SRGAP3: variants seen among roughly 807,000 people sequenced by gnomAD.
SRGAP3 encodes the protein SLIT-ROBO Rho GTPase-activating protein 3.
Under a neutral mutation model 121.1 loss-of-function variants are expected in SRGAP3, and 39 were observed. The observed-to-expected ratio is 0.32, with a 90% CI of 0.25 to 0.42. SRGAP3 has a LOEUF of 0.42. Among genes scored for constraint, SRGAP3 ranks in the 10% least tolerant of loss-of-function variants. The pLI, the probability that SRGAP3 is intolerant of heterozygous loss-of-function variation, is 1.00. For synonymous variants in SRGAP3, 601 were observed against 570.0 expected, an observed-to-expected ratio of 1.05 and a Z score of -0.77; for missense variants, 1,213 against 1,470.6, an observed-to-expected ratio of 0.82 and a Z score of 2.86.
At chr3:9,295,322 C>G (rs1954934194) in intron 3 of SRGAP3, among the ~76,000 whole-genome samples, 1 of 152,164 alleles carries the variant, frequency 6.6e-6, no homozygotes, top group Non-Finnish European at 1.5e-5. Flanking sequence ...GACCTCAGAA[C>G]CAAAACTGTT....
In SRGAP3 at chr3:9,158,551, C is replaced by A. The variant is rs897492656; in HGVS notation, c.68-33634G>T. Among the ~76,000 whole-genome samples, 9 of 152,172 alleles carry A rather than the reference C, an allele frequency of 5.9e-5. 1 individual carries two copies. ...AATACCCCCGGTATTCATTCATTAT[C>A]CCCATGTTCCAGGTGGGAAATTATC... is the stretch of plus-strand genomic sequence containing the variant. On this transcript the variant is annotated intron_variant, in intron 1 of 21. Transcript: ENST00000383836.
At chr3:9,197,734 A>G (rs1349688074) in intron 1 of SRGAP3, among the ~76,000 whole-genome samples, 1 of 152,252 alleles carries the variant, frequency 6.6e-6, no homozygotes, top group Non-Finnish European at 1.5e-5. Context: ...TCCAAAGCAT[A>G]TGCTTCAGAA....
At chr3:9,171,291 G>A (rs762413296) in intron 1 of SRGAP3, among the ~76,000 whole-genome samples, 2 of 152,236 alleles carry the variant, frequency 1.3e-5, no homozygotes, top group Non-Finnish European at 2.9e-5. Context: ...TTCAGAGGCA[G>A]CCTCCAGCGC....
At chr3:9,233,208 C>T (rs1953281065) in intron 1 of SRGAP3, among the ~76,000 whole-genome samples, 1 of 152,212 alleles carries the variant, frequency 6.6e-6, no homozygotes, top group African/African-American at 2.4e-5. Flanking sequence ...CCCTCTTTCA[C>T]ATGAGGAAAC....
At chr3:9,294,741 T>TGTGTGTGTGTGTGTGTGTGTGTG (rs1491131145) in intron 3 of SRGAP3, among the ~76,000 whole-genome samples, 3 of 145,966 alleles carry the variant, frequency 2.1e-5, no homozygotes, top group African/African-American at 5.1e-5. Flanking sequence ...TGTGTGTGTG[T>TGTGTGTGTGTGTGTGTGTGTGTG]TTGGGAGGGC....
rs1943616264 is a variant in SRGAP3 at position 9,015,936 on chromosome 3, T to C, written c.1679-205A>G. On this transcript the variant is annotated intron_variant, in intron 14 of 21. Transcript: ENST00000383836. ...GAAAATGTTTAAATCTATAGAAAAG[T>C]TGTAAAAATAAAATAATGAACGCCC... 3 of 608,566 alleles carry C rather than the reference T, an allele frequency of 4.9e-6. No individual in the cohort carries two copies. The South Asian group carries it at 6.0e-5, about 12-fold the overall frequency. 37.7% of individuals were successfully genotyped at this position (608,566 alleles called of 1,614,324 possible).
chr3:9,201,716 T>G (rs1247490748), intron 1 of SRGAP3, among the ~76,000 whole-genome samples: 1 of 152,218 alleles, frequency 6.6e-6, no homozygotes, highest in Non-Finnish European at 1.5e-5. Context: ...GGAGAGCTTA[T>G]TCTGTATCAA....
At chr3:9,002,529 C>T (rs1942829981) in intron 18 of SRGAP3, among the ~76,000 whole-genome samples, 1 of 151,658 alleles carries the variant, frequency 6.6e-6, no homozygotes, top group Admixed American at 6.6e-5. Context: ...CACCTTAAGA[C>T]ACTGGAAAAA....
intron 3 of SRGAP3, among the ~76,000 whole-genome samples, chr3:9,088,655 T>C (rs938020642): frequency 1.3e-5 from 2 of 152,128 alleles, no homozygotes; most frequent in Admixed American, 1.3e-4. Context: ...AATTGAGAAA[T>C]AGTACCTTGG....
intron 1 of SRGAP3, among the ~76,000 whole-genome samples, chr3:9,162,161 G>C (rs578088681): frequency 3.9e-5 from 6 of 152,288 alleles, no homozygotes; most frequent in Non-Finnish European, 7.4e-5. Context: ...GGGACTGAGA[G>C]AAATGGGGAG....
chr3:9,046,606 C>T (rs1945292098), intron 10 of SRGAP3, among the ~76,000 whole-genome samples: 1 of 152,198 alleles, frequency 6.6e-6, no homozygotes, highest in South Asian at 2.1e-4. Flanking sequence ...CCCTCGAGGG[C>T]CAAACCCTGA....
At chr3:8,986,937 C>T (rs1941745069) in intron 21 of SRGAP3, among the ~76,000 whole-genome samples, 1 of 152,206 alleles carries the variant, frequency 6.6e-6, no homozygotes, top group African/African-American at 2.4e-5. Context: ...CAGCTCCCGT[C>T]CCCTCATGCC....
intron 14 of SRGAP3, chr3:9,015,991 A>C (rs1943618836): frequency 1.9e-6 from 1 of 514,426 alleles, no homozygotes; most frequent in East Asian, 3.4e-5. Flanking sequence ...TCATCTTGCC[A>C]CATTTGATTT....
intron 2 of SRGAP3, among the ~76,000 whole-genome samples, chr3:9,114,994 A>C (rs987492845): frequency 2.0e-5 from 3 of 152,240 alleles, no homozygotes; most frequent in African/African-American, 7.2e-5. Flanking sequence ...CTGAGTTTTC[A>C]AGAAATTAAG....
intron 3 of SRGAP3, among the ~76,000 whole-genome samples, chr3:9,270,889 C>A (rs971545478): frequency 1.3e-5 from 2 of 152,030 alleles, no homozygotes; most frequent in African/African-American, 2.4e-5. Flanking sequence ...ACCTCTGGTA[C>A]CAATAACCGC....
rs1942269950 is a variant in SRGAP3 at position 8,994,505 on chromosome 3, G to A, written c.2246C>T (p.Ala749Val). 6.2e-7 allele frequency: 1 copy of A among 1,613,742 alleles called. No individual in the cohort carries two copies. Among genetic ancestry groups the A allele is most frequent in the Non-Finnish European group, 8.5e-7 (1 of 1,180,000 alleles). The stretch of plus-strand genomic sequence containing the variant: ...CCCCATGTAGTCAAACTTGGCAATA[G>A]CCTCGATCTGCTCCACTTCTGGAAG... The part of the protein sequence containing the change: ...TSDEEVEQIE[A>V]IAKFDYMGRS... Residue 749 changes from alanine (A) to valine (V), a missense_variant, in exon 19 of 22, where the codon GCT becomes GTT. Physicochemically the swap from Ala to Val is moderately conservative, Grantham distance 64. Transcript: ENST00000383836.
At chr3:9,004,893 G>A (rs187322782) in intron 18 of SRGAP3, among the ~76,000 whole-genome samples, 28 of 152,176 alleles carry the variant, frequency 1.8e-4, no homozygotes, top group African/African-American at 6.3e-4. Flanking sequence ...AAAAGCATGC[G>A]CAACAAAAGA....
chr3:9,164,842 T>G (rs1272259354), intron 1 of SRGAP3, among the ~76,000 whole-genome samples: 1 of 152,238 alleles, frequency 6.6e-6, no homozygotes, highest in Non-Finnish European at 1.5e-5. Context: ...TTCCCTTTGA[T>G]CCACAGAGAA....
intron 10 of SRGAP3, among the ~76,000 whole-genome samples, chr3:9,043,643 A>G (rs1474899476): frequency 6.6e-6 from 1 of 152,158 alleles, no homozygotes; most frequent in Non-Finnish European, 1.5e-5. Flanking sequence ...TCTCACAAAT[A>G]TGGGAAATCA....
Sources: allele counts gnomAD v4.1 joint callset (sites outside exome capture counted in the v4.1 genomes callset), GRCh38; gene constraint gnomAD v4.1.1; transcripts MANE v1.5; gene names NCBI Gene and HGNC (gene_info 2026-07-23, HGNC 2026-07-21).